Variants in KCNH5 observed in about 807,000 individuals in gnomAD.
KCNH5 encodes voltage-gated delayed rectifier potassium channel KCNH5.
KCNH5 carries 46 observed loss-of-function variants against 96.1 expected under a neutral mutation model. The observed-to-expected ratio is 0.48, with a 90% CI of 0.38 to 0.61. The LOEUF is 0.61. KCNH5 is among the 20% of genes least tolerant of loss of function. The pLI, the probability that KCNH5 is intolerant of heterozygous loss-of-function variation, is 0.00. For missense variants in KCNH5, 907 were observed against 1,225.8 expected (o/e 0.74, Z 3.88); for synonymous variants, 439 against 449.8 (o/e 0.98, Z 0.30).
At chr14:62,827,662 G>GT (rs1887254003) in intron 8 of KCNH5, among the ~76,000 whole-genome samples, 1 of 152,054 alleles carries the variant, frequency 6.6e-6, no homozygotes, top group Non-Finnish European at 1.5e-5. Context: ...ATTTTACTCT[G>GT]TAAGTGACCA....
At chr14:63,038,756 A>T (rs891770387) in intron 1 of KCNH5, among the ~76,000 whole-genome samples, 1 of 152,068 alleles carries the variant, frequency 6.6e-6, no homozygotes, top group African/African-American at 2.4e-5. Flanking sequence ...ATTTGATCAA[A>T]TATATTTCAA....
At chr14:62,831,247 T>C (rs1887342588) in intron 8 of KCNH5, among the ~76,000 whole-genome samples, 1 of 152,198 alleles carries the variant, frequency 6.6e-6, no homozygotes, top group South Asian at 2.1e-4. Flanking sequence ...AAGCCTACTT[T>C]ATTGGTTTGG....
Position 62,790,057 on chromosome 14 carries a change from T to C in KCNH5, c.1823-10133A>G, listed in dbSNP as rs1231803717. On this transcript the variant is annotated intron_variant, in intron 9 of 10. Coordinates refer to ENST00000322893, the MANE Select transcript of KCNH5 (RefSeq NM_139318.5). ...TCAGGTCTCACAGGCATTTTATCCA[T>C]TTTGAGTTGACTTTTTTTTTTGTAT... Among the ~76,000 whole-genome samples, 3 of 147,896 alleles carry C rather than the reference T, an allele frequency of 2.0e-5. No individual in the cohort carries two copies. The East Asian group carries it at 6.0e-4, about 29-fold the overall frequency.
chr14:62,861,816 T>C (rs185111428), intron 7 of KCNH5, among the ~76,000 whole-genome samples: 31 of 152,318 alleles, frequency 2.0e-4, no homozygotes, highest in African/African-American at 7.5e-4. Flanking sequence ...ACTTCAGCTA[T>C]GTAGCAATCC....
intron 8 of KCNH5, among the ~76,000 whole-genome samples, chr14:62,808,558 T>C (rs1886814881): frequency 6.6e-6 from 1 of 152,102 alleles, no homozygotes. Context: ...TAATAGTACA[T>C]TATTATAAAG....
At position 62,921,817 on chromosome 14, in the gene KCNH5, T is replaced by C. The variant is rs540031854; in HGVS notation, c.1369+28316A>G. Among the ~76,000 whole-genome samples, 49 of 152,250 alleles carry C rather than the reference T, an allele frequency of 3.2e-4. 1 individual carries two copies. Among genetic ancestry groups the C allele is most frequent in the South Asian group, 4.1e-4 (2 of 4,826 alleles). Reference sequence around the variant, plus strand: ...GGACAAAGAAGGACAGATCTTTTTATCTAACAGCCTTGTGGAGCAAGATTT... The same window carrying C: ...GGACAAAGAAGGACAGATCTTTTTACCTAACAGCCTTGTGGAGCAAGATTT... On this transcript the variant is annotated intron_variant, in intron 7 of 10. Transcript: ENST00000322893.
intron 6 of KCNH5, among the ~76,000 whole-genome samples, chr14:62,952,697 GA>G (rs746235534): frequency 6.6e-6 from 1 of 152,080 alleles, no homozygotes; most frequent in Non-Finnish European, 1.5e-5. Context: ...AGGAAAAACA[GA>G]GAGAAAATCT....
intron 8 of KCNH5, among the ~76,000 whole-genome samples, chr14:62,844,783 A>G (rs1887656990): frequency 2.0e-5 from 3 of 152,348 alleles, no homozygotes; most frequent in Admixed American, 6.5e-5. Flanking sequence ...CCACAATTAT[A>G]TTAGAGAAAG....
intron 6 of KCNH5, among the ~76,000 whole-genome samples, chr14:62,963,148 C>T (rs1459830620): frequency 6.6e-6 from 1 of 152,018 alleles, no homozygotes; most frequent in African/African-American, 2.4e-5. Context: ...TGGAAGAGAG[C>T]AAACACATTC....
rs1479249313 is a variant in KCNH5 at position 62,779,859 on chromosome 14, C to T, written c.1888G>A (p.Val630Ile). 7 of 1,613,518 alleles carry T rather than the reference C, an allele frequency of 4.3e-6. No individual in the cohort carries two copies. Among genetic ancestry groups the T allele is most frequent in the Admixed American group, 3.3e-5 (2 of 59,958 alleles). The change falls in exon 10 of 11, where the codon GTC (valine) becomes ATC (isoleucine). Residue 630 changes from valine (V) to isoleucine (I), a missense_variant. Val to Ile is a conservative substitution (Grantham distance 29). Transcript: ENST00000322893. ...AGGTCACAGTACGTCAGTGCCCGGA[C>T]GTTCGCACATGCATGGGCAAGGGTG... is the stretch of plus-strand genomic sequence containing the variant. ...ETTLAHACAN[V>I]RALTYCDLHI...
At chr14:62,849,963 G>T in intron 7 of KCNH5, 111 bp from the exon 8 acceptor site, 1 of 832,962 alleles carries the variant, frequency 1.2e-6, no homozygotes, top group Non-Finnish European at 1.9e-6. Context: ...AACTTGCAGG[G>T]GTAAATACAT....
At chr14:62,835,536 GA>G (rs1156392105) in intron 8 of KCNH5, among the ~76,000 whole-genome samples, 1 of 151,874 alleles carries the variant, frequency 6.6e-6, no homozygotes, top group African/African-American at 2.4e-5. Context: ...AATACTTTAA[GA>G]AAAAATATGT....
chr14:62,802,051 G>A (rs972169221), intron 9 of KCNH5, among the ~76,000 whole-genome samples: 8 of 152,240 alleles, frequency 5.3e-5, no homozygotes, highest in African/African-American at 1.9e-4. Context: ...CTAACATGGA[G>A]CTACAAGGCA....
intron 7 of KCNH5, among the ~76,000 whole-genome samples, chr14:62,886,478 T>A (rs551087141): frequency 6.6e-6 from 1 of 152,212 alleles, no homozygotes; most frequent in Non-Finnish European, 1.5e-5. Context: ...ACAGGGTTTC[T>A]TATGGCTTGA....
chr14:62,855,620 C>T (rs1887912255), intron 7 of KCNH5, among the ~76,000 whole-genome samples: 2 of 152,114 alleles, frequency 1.3e-5, no homozygotes, highest in African/African-American at 4.8e-5. Context: ...GGGCAGAGGT[C>T]CTGGAGGAAG....
At chr14:62,841,831 A>G (rs1887591551) in intron 8 of KCNH5, among the ~76,000 whole-genome samples, 1 of 152,242 alleles carries the variant, frequency 6.6e-6, no homozygotes, top group Non-Finnish European at 1.5e-5. Context: ...AGATGTGAAC[A>G]CAAAAGCGTG....
Position 62,958,705 on chromosome 14 carries a change from C to A in KCNH5, c.943-8146G>T, listed in dbSNP as rs551732495. Among the ~76,000 whole-genome samples, 8 of 152,178 alleles carry A rather than the reference C, an allele frequency of 5.3e-5. No individual in the cohort carries two copies. The South Asian group carries it at 1.7e-3, about 32-fold the overall frequency. ...TTAGCATCACTGTCTCTTCATTATG[C>A]CCACTATCAAAATTCAAGTCCTGGC... On this transcript the variant is annotated intron_variant, in intron 6 of 10. Transcript: ENST00000322893.
At chr14:62,918,895 C>T (rs1323654161) in intron 7 of KCNH5, among the ~76,000 whole-genome samples, 1 of 151,984 alleles carries the variant, frequency 6.6e-6, no homozygotes, top group Non-Finnish European at 1.5e-5. Context: ...TACCAAAATA[C>T]TTATGAAAAT....
Position 62,955,208 on chromosome 14 carries a change from C to T in KCNH5, c.943-4649G>A, listed in dbSNP as rs550027643. 2.6e-5 allele frequency among the ~76,000 whole-genome samples: 4 copies of T among 152,218 alleles called. No individual in the cohort carries two copies. In the East Asian group the frequency reaches 5.8e-4, roughly 22 times the overall value. On this transcript the variant is annotated intron_variant, in intron 6 of 10. Transcript: ENST00000322893. Reference sequence around the variant, plus strand: ...ACAGTGCATGGATGAGGGCTGAGCTCACTCTGTATAATCCTAATGTGGGTA... The same window carrying T: ...ACAGTGCATGGATGAGGGCTGAGCTTACTCTGTATAATCCTAATGTGGGTA...
Sources: gnomAD v4.1 joint callset for allele counts (sites outside exome capture counted in the v4.1 genomes callset) on GRCh38, gnomAD v4.1.1 for gene constraint, MANE v1.5 for transcripts, NCBI Gene and HGNC (gene_info 2026-07-23, HGNC 2026-07-21) for gene names.